The following EPB41L2 variants were observed in gnomAD, a reference collection of about 807,000 sequenced individuals.
EPB41L2 encodes the protein erythrocyte membrane protein band 4.1 like 2, also known as band 4.1-like protein 2.
A neutral mutation model predicts 113.0 loss-of-function variants in EPB41L2; 43 were observed. That is an observed-to-expected ratio of 0.38 (90% confidence interval 0.30 to 0.49). The LOEUF is 0.49. Ranked by LOEUF, EPB41L2 falls within the 20% of genes least tolerant of loss-of-function variation. The pLI, the probability that EPB41L2 is intolerant of heterozygous loss-of-function variation, is 0.95. For missense variants in EPB41L2, 1,147 were observed against 1,223.4 expected (o/e 0.94, Z 0.93); for synonymous variants, 442 against 436.7 (o/e 1.01, Z -0.15).
intron 4 of EPB41L2, among the ~76,000 whole-genome samples, chr6:130,920,082 T>C (rs1384555721): frequency 1.3e-5 from 2 of 152,186 alleles, no homozygotes; most frequent in Non-Finnish European, 2.9e-5. Context: ...TTCATCATCA[T>C]AGTCACTCTC....
At chr6:130,880,278 A>C in intron 12 of EPB41L2, 72 bp from the exon 13 acceptor site, 1 of 1,073,996 alleles carries the variant, frequency 9.3e-7, no homozygotes, top group Non-Finnish European at 1.4e-6. Context: ...AAGCACCAAA[A>C]TGACCCAGAG....
intron 5 of EPB41L2, among the ~76,000 whole-genome samples, chr6:130,905,913 T>C (rs940173377): frequency 3.3e-5 from 5 of 152,332 alleles, no homozygotes; most frequent in Middle Eastern, 3.4e-3. Flanking sequence ...CATTTTTTGC[T>C]GGATTTTGGC....
At chr6:130,971,972 G>A (rs6910656) in intron 1 of EPB41L2, among the ~76,000 whole-genome samples, 70,575 of 151,954 alleles carry the variant, frequency 0.46, 18,076 homozygotes, top group East Asian at 0.92. Context: ...TATAGTTACC[G>A]TGATGTAGCT....
At chr6:131,027,699 T>C (rs1229388813) in intron 1 of EPB41L2, among the ~76,000 whole-genome samples, 1 of 152,208 alleles carries the variant, frequency 6.6e-6, no homozygotes, top group Admixed American at 6.6e-5. Flanking sequence ...AAGGAATGGA[T>C]ACCCCATTCT....
chr6:130,994,008 T>C (rs550352815), intron 1 of EPB41L2, among the ~76,000 whole-genome samples: 1 of 152,194 alleles, frequency 6.6e-6, no homozygotes, highest in East Asian at 1.9e-4. Flanking sequence ...GGAATAAAAC[T>C]TGGGGTTGGG....
intron 1 of EPB41L2, among the ~76,000 whole-genome samples, chr6:131,057,510 A>G (rs887807697): frequency 1.3e-5 from 2 of 152,232 alleles, no homozygotes; most frequent in African/African-American, 4.8e-5. Flanking sequence ...ATATGTACAT[A>G]TATCAGTAGA....
chr6:130,973,101 C>CAA (rs1018964001), intron 1 of EPB41L2, among the ~76,000 whole-genome samples: 5 of 151,680 alleles, frequency 3.3e-5, no homozygotes, highest in African/African-American at 1.2e-4. Context: ...GGCTCCATCT[C>CAA]AAAAAAAATA....
intron 1 of EPB41L2, among the ~76,000 whole-genome samples, chr6:131,046,655 T>C (rs1795518039): frequency 6.6e-6 from 1 of 152,208 alleles, no homozygotes; most frequent in Non-Finnish European, 1.5e-5. Context: ...ACAGCTCCTT[T>C]TTAACCTGTC....
intron 8 of EPB41L2, among the ~76,000 whole-genome samples, chr6:130,898,373 G>T (rs1381958050): frequency 6.6e-6 from 1 of 152,150 alleles, no homozygotes; most frequent in East Asian, 1.9e-4. Context: ...CTTTCCTAGA[G>T]ATTTCTCAAA....
rs1785024694 is a variant in EPB41L2 at position 130,869,738 on chromosome 6, T to C, written c.2432A>G (p.Glu811Gly). 3 of 1,614,032 alleles carry C rather than the reference T, an allele frequency of 1.9e-6. No homozygotes were observed. Among genetic ancestry groups the C allele is most frequent in the African/African-American group, 1.3e-5 (1 of 74,886 alleles). ...TQAGASVITV[E>G]TVIQENVGAQ... ...ACCTACATTTTCCTGGATCACTGTT[T>C]CTACTGTGATTACACTGGCACCTGC... The change falls in exon 15 of 20, where the codon GAA becomes GGA. Residue 811 changes from glutamate (E) to glycine (G), a missense_variant. Coordinates refer to ENST00000337057, the MANE Select transcript of EPB41L2 (RefSeq NM_001431.4).
At chr6:130,913,389 C>G (rs924748039) in intron 4 of EPB41L2, among the ~76,000 whole-genome samples, 3 of 152,196 alleles carry the variant, frequency 2.0e-5, no homozygotes, top group Non-Finnish European at 2.9e-5. Context: ...TTCCTAACCA[C>G]ACTCACTTTC....
chr6:130,957,037 A>T (rs922791903), intron 1 of EPB41L2, among the ~76,000 whole-genome samples: 7 of 152,216 alleles, frequency 4.6e-5, no homozygotes, highest in African/African-American at 1.4e-4. Flanking sequence ...CCAAGAAGGT[A>T]AAATAACAAA....
At chr6:130,972,813 G>A (rs1168040232) in intron 1 of EPB41L2, among the ~76,000 whole-genome samples, 1 of 151,976 alleles carries the variant, frequency 6.6e-6, no homozygotes, top group African/African-American at 2.4e-5. Flanking sequence ...TTGCAGCCAG[G>A]CGTGGTGGCT....
chr6:130,963,295 T>C (rs947398019), intron 1 of EPB41L2, among the ~76,000 whole-genome samples: 11 of 152,194 alleles, frequency 7.2e-5, no homozygotes, highest in African/African-American at 2.7e-4. Flanking sequence ...AGAGTACATA[T>C]AGATCTTGGG....
intron 1 of EPB41L2, among the ~76,000 whole-genome samples, chr6:130,964,999 A>G (rs1774672511): frequency 1.3e-5 from 2 of 152,300 alleles, no homozygotes; most frequent in South Asian, 4.1e-4. Context: ...ACAGTTAATG[A>G]TTTGCTGAAA....
At chr6:130,902,879 C>T (rs1249532501) in intron 6 of EPB41L2, among the ~76,000 whole-genome samples, 2 of 152,162 alleles carry the variant, frequency 1.3e-5, no homozygotes, top group African/African-American at 4.8e-5. Flanking sequence ...ATTCTTCAAA[C>T]ATTATTCGAA....
chr6:131,057,932 G>A (rs1225741971), intron 1 of EPB41L2, among the ~76,000 whole-genome samples: 1 of 152,178 alleles, frequency 6.6e-6, no homozygotes, highest in Non-Finnish European at 1.5e-5. Flanking sequence ...TGATCCCCAT[G>A]ATGCCGAACT....
At chr6:130,960,786 T>C (rs930632331) in intron 1 of EPB41L2, among the ~76,000 whole-genome samples, 1 of 152,198 alleles carries the variant, frequency 6.6e-6, no homozygotes, top group Non-Finnish European at 1.5e-5. Flanking sequence ...CCTATAACCC[T>C]GAGTTTCTTT....
chr6:131,036,299 T>C (rs1262851252), intron 1 of EPB41L2, among the ~76,000 whole-genome samples: 1 of 151,998 alleles, frequency 6.6e-6, no homozygotes, highest in Non-Finnish European at 1.5e-5. Context: ...CAGCATAAGA[T>C]CCAATGGGGG....
Sources: allele counts gnomAD v4.1 joint callset (sites outside exome capture counted in the v4.1 genomes callset), GRCh38; gene constraint gnomAD v4.1.1; transcripts MANE v1.5; gene names NCBI Gene and HGNC (gene_info 2026-07-23, HGNC 2026-07-21).